The following PLCB4 variants were observed in gnomAD, a reference collection of about 807,000 sequenced individuals.
PLCB4 encodes 1-phosphatidylinositol 4,5-bisphosphate phosphodiesterase beta-4.
In PLCB4, 77 loss-of-function variants were observed where a neutral mutation model predicts 178.8. The observed-to-expected ratio is 0.43, with a 90% confidence interval of 0.36 to 0.52. PLCB4 has a LOEUF of 0.52. Ranked by LOEUF, PLCB4 falls within the 20% of genes least tolerant of loss-of-function variation. The probability of loss-of-function intolerance (pLI) is 0.00; values close to 1 mark genes in which losing one functional copy is unlikely to be tolerated. For missense variants in PLCB4, 1,024 were observed against 1,453.4 expected (o/e 0.70, Z 4.80); for synonymous variants, 496 against 490.8 (o/e 1.01, Z -0.14).
At position 9,479,735 on chromosome 20, in the gene PLCB4, A is replaced by C. The variant is rs1426369738; in HGVS notation, c.*726A>C. The C allele has an allele frequency of 6.6e-6, 1 of 152,668 alleles. No individual in the cohort carries two copies. The highest frequency in any genetic ancestry group is 2.4e-5 in the African/African-American group (1 of 41,460). 9.5% of individuals were successfully genotyped at this position (152,668 alleles called of 1,614,324 possible). ...TATAATTCACACCATAAAGATTGTG[A>C]AGTGGTTATTGGCAAACGTTTGTAA... On this transcript the variant is annotated 3_prime_UTR_variant, in exon 40 of 40. Coordinates refer to ENST00000378473, the MANE Select transcript of PLCB4 (RefSeq NM_001377142.1).
chr20:9,449,908 G>A (rs546563371), intron 32 of PLCB4, among the ~76,000 whole-genome samples: 10 of 152,236 alleles, frequency 6.6e-5, no homozygotes, highest in South Asian at 2.1e-4. Context: ...CTCAGAGTCC[G>A]CCTATTGGTA....
intron 2 of PLCB4, among the ~76,000 whole-genome samples, chr20:9,215,415 A>C (rs1474329216): frequency 6.6e-6 from 1 of 152,134 alleles, no homozygotes; most frequent in Non-Finnish European, 1.5e-5. Flanking sequence ...CAACTTCTTC[A>C]TTCCCTTTTC....
In PLCB4 at chr20:9,382,948, A is replaced by T. The variant is rs116435192; in HGVS notation, c.854-1253A>T. Reference sequence around the variant, plus strand: ...AATTTCTACTTTCATTTATAATTAGAAATGACCTAACTATCCATCAACCAA... The same window carrying T: ...AATTTCTACTTTCATTTATAATTAGTAATGACCTAACTATCCATCAACCAA... On this transcript the variant is annotated intron_variant, in intron 13 of 39. Transcript: ENST00000378473. 6.3e-3 allele frequency among the ~76,000 whole-genome samples: 957 copies of T among 152,328 alleles called. 15 individuals are homozygous for T. Among genetic ancestry groups the T allele is most frequent in the African/African-American group, 0.022 (919 of 41,570 alleles).
chr20:9,297,662 C>T (rs2094654669), intron 3 of PLCB4, among the ~76,000 whole-genome samples: 2 of 151,566 alleles, frequency 1.3e-5, no homozygotes, highest in Admixed American at 6.6e-5. Context: ...TGCCACTGAG[C>T]CCTCCTGTAC....
chr20:9,241,393 CA>C (rs1287321158), intron 3 of PLCB4, among the ~76,000 whole-genome samples: 1 of 64,716 alleles, frequency 1.5e-5, no homozygotes, highest in Non-Finnish European at 3.0e-5. Flanking sequence ...CATGCATACA[CA>C]CACACACACA....
intron 2 of PLCB4, among the ~76,000 whole-genome samples, chr20:9,120,967 C>T (rs1037234056): frequency 6.6e-6 from 1 of 152,156 alleles, no homozygotes; most frequent in Non-Finnish European, 1.5e-5. Context: ...AGCTCTCAGC[C>T]CCAGTGCCAT....
chr20:9,125,331 T>C (rs1261535877), intron 2 of PLCB4, among the ~76,000 whole-genome samples: 1 of 152,190 alleles, frequency 6.6e-6, no homozygotes, highest in East Asian at 1.9e-4. Context: ...TTAAGGTATA[T>C]TATACTCTCT....
At chr20:9,106,662 A>G (rs2146664056) in intron 2 of PLCB4, among the ~76,000 whole-genome samples, 1 of 152,266 alleles carries the variant, frequency 6.6e-6, no homozygotes, top group East Asian at 1.9e-4. Flanking sequence ...CCAGTCAGGA[A>G]CATTTTGCAG....
At chr20:9,143,528 A>T (rs1018049665) in intron 2 of PLCB4, among the ~76,000 whole-genome samples, 13 of 152,188 alleles carry the variant, frequency 8.5e-5, no homozygotes, top group African/African-American at 3.1e-4. Context: ...AAGTTTCAGT[A>T]CTAAATGTAA....
Position 9,126,718 on chromosome 20 carries a change from A to G in PLCB4, c.-79+30376A>G, listed in dbSNP as rs530325889. On this transcript the variant is annotated intron_variant, in intron 2 of 39. Transcript: ENST00000378473. The stretch of plus-strand genomic sequence containing the variant: ...ACATTAAGCACAACAAACCAGCAGC[A>G]GCCTTGGAAATGCAAGAGATTCAGA... 3.2e-4 allele frequency among the ~76,000 whole-genome samples: 49 copies of G among 151,804 alleles called. No individual in the cohort carries two copies. In the South Asian group the frequency reaches 9.6e-3, roughly 30 times the overall value.
intron 2 of PLCB4, among the ~76,000 whole-genome samples, chr20:9,183,147 C>T (rs1262297604): frequency 6.6e-6 from 1 of 152,166 alleles, no homozygotes; most frequent in Non-Finnish European, 1.5e-5. Context: ...TTTTCTCTAA[C>T]TCTCCAGCCC....
intron 4 of PLCB4, among the ~76,000 whole-genome samples, chr20:9,329,230 ATGTC>A (rs1601877662): frequency 6.6e-6 from 1 of 152,100 alleles, no homozygotes; most frequent in African/African-American, 2.4e-5. Context: ...TTGTTTATCT[ATGTC>A]TGTAGCTCGG....
At chr20:9,201,797 T>C (rs2093550322) in intron 2 of PLCB4, among the ~76,000 whole-genome samples, 1 of 152,134 alleles carries the variant, frequency 6.6e-6, no homozygotes, top group Non-Finnish European at 1.5e-5. Flanking sequence ...GAATGCAAAA[T>C]GGTGCCACCA....
chr20:9,377,606 C>A (rs1044703988), intron 12 of PLCB4, among the ~76,000 whole-genome samples: 1 of 152,118 alleles, frequency 6.6e-6, no homozygotes, highest in African/African-American at 2.4e-5. Flanking sequence ...AATGCAATTT[C>A]GCATTGTCTG....
intron 3 of PLCB4, among the ~76,000 whole-genome samples, chr20:9,254,186 TAATA>T (rs1355585252): frequency 1.3e-5 from 2 of 152,220 alleles, no homozygotes; most frequent in Non-Finnish European, 2.9e-5. Flanking sequence ...TTAGGCTGTG[TAATA>T]AATAAAATAA....
chr20:9,092,277 T>C (rs575469385), intron 1 of PLCB4, among the ~76,000 whole-genome samples: 1 of 152,330 alleles, frequency 6.6e-6, no homozygotes, highest in African/African-American at 2.4e-5. Context: ...TGCATTGTTA[T>C]CATTCTCTTT....
intron 3 of PLCB4, among the ~76,000 whole-genome samples, chr20:9,293,782 G>A (rs1460777008): frequency 1.3e-5 from 2 of 152,130 alleles, no homozygotes; most frequent in African/African-American, 4.8e-5. Flanking sequence ...CTTCAAAGGG[G>A]GAAGCACAAG....
chr20:9,430,368 TAC>T (rs993354671), intron 28 of PLCB4, among the ~76,000 whole-genome samples: 10 of 152,382 alleles, frequency 6.6e-5, no homozygotes, highest in African/African-American at 2.4e-4. Flanking sequence ...AACCTTACTT[TAC>T]ACTTTTCATA....
intron 32 of PLCB4, among the ~76,000 whole-genome samples, chr20:9,450,613 C>T (rs1455638112): frequency 1.3e-5 from 2 of 150,220 alleles, no homozygotes; most frequent in South Asian, 2.1e-4. Flanking sequence ...CTCATGAATT[C>T]GGTTAGGCAA....
Sources: allele counts gnomAD v4.1 joint callset (sites outside exome capture counted in the v4.1 genomes callset), GRCh38; gene constraint gnomAD v4.1.1; transcripts MANE v1.5; gene names NCBI Gene and HGNC (gene_info 2026-07-23, HGNC 2026-07-21).